The following PTPRS variants were observed in gnomAD, a reference collection of about 807,000 sequenced individuals.
PTPRS encodes the protein protein tyrosine phosphatase receptor type S.
A neutral mutation model predicts 215.3 loss-of-function variants in PTPRS; 63 were observed. That is an observed-to-expected ratio of 0.29 (90% CI 0.24 to 0.36). PTPRS has a LOEUF of 0.36. PTPRS is among the 10% of genes least tolerant of loss of function. The pLI is 1.00. For missense variants in PTPRS, 2,258 were observed against 2,825.8 expected, an observed-to-expected ratio of 0.80 and a Z score of 4.56; for synonymous variants, 1,404 against 1,191.4, an observed-to-expected ratio of 1.18 and a Z score of -3.68.
chr19:5,294,915 G>A lies in PTPRS; in HGVS notation c.-94-8681C>T, dbSNP rs1355767511. The stretch of plus-strand genomic sequence containing the variant: ...CGTCCCACGCAGCCCCATCCTCGAC[G>A]AGGTACACAGTAGGTGCTTCATGGA... On this transcript the variant is annotated intron_variant, in intron 1 of 37. Coordinates refer to ENST00000262963, the MANE Select transcript of PTPRS (RefSeq NM_002850.4). This position sits in a 1 kb window ranked among gnomAD's most constrained non-coding sequence, Gnocchi z 5.1. 1.3e-5 allele frequency among the ~76,000 whole-genome samples: 2 copies of A among 152,160 alleles called. No homozygotes were observed. Among genetic ancestry groups the A allele is most frequent in the Admixed American group, 6.5e-5 (1 of 15,276 alleles).
chr19:5,211,581 G>A lies in PTPRS; in HGVS notation c.5234+9C>T, dbSNP rs768042925. 1.3e-5 allele frequency: 20 copies of A among 1,599,618 alleles called. No homozygotes were observed. ...TGGGGCCCTGAGGTGGGAAAGGCAT[G>A]GCACCTACCTGTAGCCATCAATGAA... On this transcript the variant is annotated intron_variant, in intron 33 of 37. Coordinates refer to ENST00000262963, the MANE Select transcript of PTPRS (RefSeq NM_002850.4).
rs2045630772 is a variant in PTPRS, at chr19:5,257,286, G to A, written c.706+731C>T. Reference sequence around the variant, plus strand: ...GCTGGGGCGAGGCCCCCACGCTGCTGGGCATGACTGAGTGGGAATTGGAAA... The same window carrying A: ...GCTGGGGCGAGGCCCCCACGCTGCTAGGCATGACTGAGTGGGAATTGGAAA... On this transcript the variant is annotated intron_variant, in intron 8 of 37. Transcript: ENST00000262963. The surrounding 1 kb of genome is among the most constrained non-coding windows in gnomAD (Gnocchi z 4.4). 2.5e-6 allele frequency: 1 copy of A among 395,964 alleles called. No individual in the cohort carries two copies. The highest frequency in any genetic ancestry group is 5.2e-6 in the Non-Finnish European group (1 of 192,128). The allele number at this position is 395,964 out of a possible 1,614,324, so 24.5% of individuals were successfully genotyped here. A position where few individuals can be genotyped will look rare whatever the true frequency, so the allele number is the denominator to read the frequency against.
At position 5,265,028 on chromosome 19, in the gene PTPRS, C is replaced by T. The variant is rs748364975; in HGVS notation, c.548G>A (p.Arg183His). ...CTCACCTGATCGCAGCTGTTTGATG[C>T]GTCCATTGCTGGCACTAGGATCCAC... ...LPVDPSASNG[R>H]IKQLRSETFE... Residue 183 changes from arginine to histidine, a missense_variant, in exon 5 of 38, where the codon CGC (arginine) becomes CAC (histidine). By Grantham distance (29) the Arg-to-His change is conservative. Coordinates refer to ENST00000262963, the MANE Select transcript of PTPRS (RefSeq NM_002850.4). 12 of 1,613,888 alleles carry T rather than the reference C, an allele frequency of 7.4e-6. No individual in the cohort carries two copies. The highest frequency in any genetic ancestry group is 2.2e-5 in the East Asian group (1 of 44,894).
intron 30 of PTPRS, 27 bp from the exon 31 acceptor site, chr19:5,212,518 C>T (rs1166606164): frequency 4.5e-6 from 7 of 1,555,934 alleles, no homozygotes; most frequent in Non-Finnish European, 6.1e-6. Flanking sequence ...TGTCACCTGT[C>T]ACTCCGGCTC....
intron 9 of PTPRS, 69 bp from the exon 10 acceptor site, chr19:5,246,114 G>A (rs960766000): frequency 2.2e-6 from 2 of 915,024 alleles, no homozygotes; most frequent in Non-Finnish European, 1.5e-6. Context: ...GTTGGGAGGG[G>A]AAGACAGGAT....
intron 14 of PTPRS, among the ~76,000 whole-genome samples, chr19:5,230,473 T>C (rs1416894024): frequency 1.3e-5 from 2 of 152,128 alleles, no homozygotes; most frequent in Non-Finnish European, 2.9e-5. Flanking sequence ...AATACGTTTT[T>C]GTAGAGATGG....
chr19:5,214,348 G>A lies in PTPRS; in HGVS notation c.4614+13C>T, dbSNP rs761945054. On this transcript the variant is annotated intron_variant, in intron 30 of 37. Transcript: ENST00000262963. ...CCTCCACCCTCAGCCCCCAGCCCCA[G>A]CCTGGGCCCCACCTTGTGCAGAGAG... 1.2e-6 allele frequency: 2 copies of A among 1,613,766 alleles called. No homozygotes were observed. Among genetic ancestry groups the A allele is most frequent in the East Asian group, 4.5e-5 (2 of 44,884 alleles).
intron 1 of PTPRS, among the ~76,000 whole-genome samples, chr19:5,299,288 C>T (rs2049232341): frequency 6.6e-6 from 1 of 152,262 alleles, no homozygotes; most frequent in South Asian, 2.1e-4. Context: ...CTCTCTCCCC[C>T]TCACTCTGCT....
chr19:5,320,468 C>G (rs2049996824), intron 1 of PTPRS, among the ~76,000 whole-genome samples: 1 of 152,142 alleles, frequency 6.6e-6, no homozygotes. Flanking sequence ...TTCGCTCTGT[C>G]CCCCAGGCTG....
chr19:5,225,353 G>C (rs2042387174), intron 17 of PTPRS, among the ~76,000 whole-genome samples: 1 of 152,200 alleles, frequency 6.6e-6, no homozygotes, highest in African/African-American at 2.4e-5. Context: ...AGGCTTTCCA[G>C]GGCCAGGTGT....
intron 12 of PTPRS, among the ~76,000 whole-genome samples, chr19:5,239,798 A>AG (rs138432380): frequency 6.6e-6 from 1 of 152,216 alleles, no homozygotes; most frequent in African/African-American, 2.4e-5. Flanking sequence ...AGATGGAGAC[A>AG]GAAAAAAAAC....
At chr19:5,281,349 T>G (rs544843093) in intron 2 of PTPRS, among the ~76,000 whole-genome samples, 4 of 152,172 alleles carry the variant, frequency 2.6e-5, no homozygotes, top group Non-Finnish European at 4.4e-5. Flanking sequence ...TAATCCCAGC[T>G]ACTCGGGAGG....
chr19:5,318,765 G>T (rs961909161), intron 1 of PTPRS, among the ~76,000 whole-genome samples: 1 of 152,118 alleles, frequency 6.6e-6, no homozygotes, highest in East Asian at 1.9e-4. Flanking sequence ...TGATCCTCCC[G>T]TCTCAACCTC....
At chr19:5,254,459 G>A (rs77535353) in intron 9 of PTPRS, among the ~76,000 whole-genome samples, 3,827 of 151,852 alleles carry the variant, frequency 0.025, 171 homozygotes, top group African/African-American at 0.088. Context: ...AGACTCTCAA[G>A]GGCGTGCCTT....
intron 1 of PTPRS, among the ~76,000 whole-genome samples, chr19:5,305,817 G>A (rs1238242846): frequency 6.9e-6 from 1 of 144,612 alleles, no homozygotes; most frequent in Non-Finnish European, 1.5e-5. Flanking sequence ...GCAGGCACCT[G>A]TGGTCCCAGC....
At chr19:5,225,258 C>T (rs900250049) in intron 17 of PTPRS, among the ~76,000 whole-genome samples, 8 of 151,874 alleles carry the variant, frequency 5.3e-5, no homozygotes, top group Non-Finnish European at 8.8e-5. Context: ...ACAACCTAGC[C>T]GGGGCGACCA....
chr19:5,313,769 T>C (rs1007635656), intron 1 of PTPRS, among the ~76,000 whole-genome samples: 5 of 151,966 alleles, frequency 3.3e-5, no homozygotes, highest in African/African-American at 7.3e-5. Context: ...GTTCAATCCA[T>C]GCTTAAGAAG....
chr19:5,229,913 C>A (rs558673355), intron 14 of PTPRS, among the ~76,000 whole-genome samples: 31 of 151,968 alleles, frequency 2.0e-4, no homozygotes, highest in Non-Finnish European at 2.5e-4. Flanking sequence ...CTGCCCCCCC[C>A]CGAGTCTAAA....
chr19:5,228,329 T>A (rs535724903), intron 16 of PTPRS, among the ~76,000 whole-genome samples: 1 of 109,354 alleles, frequency 9.1e-6, no homozygotes. Context: ...CGGGCGATAG[T>A]GTGAGACTCC....
Sources: gnomAD v4.1 joint callset for allele counts (sites outside exome capture counted in the v4.1 genomes callset) on GRCh38, gnomAD v4.1.1 for gene constraint, Gnocchi (gnomAD v3.1) non-coding constraint, MANE v1.5 for transcripts, NCBI Gene and HGNC (gene_info 2026-07-23, HGNC 2026-07-21) for gene names.